Variants in LZTFL1 observed in about 807,000 individuals in gnomAD.
LZTFL1 encodes the protein leucine zipper transcription factor like 1, also known as leucine zipper transcription factor-like protein 1.
LZTFL1 carries 25 observed loss-of-function variants against 45.9 expected under a neutral mutation model. The ratio of observed to expected loss-of-function variants is 0.54; its 90% CI spans 0.40 to 0.76. The LOEUF (loss-of-function observed/expected upper bound fraction) is 0.76. Among genes scored for constraint, LZTFL1 ranks in the 30% least tolerant of loss-of-function variants. The pLI is 0.00. For synonymous variants in LZTFL1, 93 were observed against 117.4 expected (o/e 0.79, Z 1.35); for missense variants, 277 against 331.1 (o/e 0.84, Z 1.27).
chr3:45,824,490 T>C lies in LZTFL1; in HGVS notation c.*1824A>G, dbSNP rs1310571623. ...TATTTGTTTATCTTAATGCTTGGCA[T>C]AGTTGGTTTTAAGGTTTTAGAAATA... On this transcript the variant is annotated 3_prime_UTR_variant, in exon 10 of 10. Coordinates refer to ENST00000296135, the MANE Select transcript of LZTFL1 (RefSeq NM_020347.4). 2 of 216,706 alleles carry C rather than the reference T, an allele frequency of 9.2e-6. No homozygotes were observed. The highest frequency in any genetic ancestry group is 4.5e-5 in the African/African-American group (2 of 44,160). The allele number at this position is 216,706 out of a possible 1,614,324, so 13.4% of individuals were successfully genotyped here.
chr3:45,855,050 A>G, exon 4 of LZTFL1: 1 of 1,534,050 alleles, frequency 6.5e-7, no homozygotes, highest in Non-Finnish European at 8.7e-7. Context: ...GTAGGGTACA[A>G]CTTGATGGAT....
chr3:45,857,993 T>C (rs185833566), intron 3 of LZTFL1, among the ~76,000 whole-genome samples: 26 of 152,252 alleles, frequency 1.7e-4, no homozygotes, highest in Admixed American at 2.0e-4. Context: ...GATAATTTTA[T>C]AAAGGAAATG....
chr3:45,900,049 C>T lies in LZTFL1; in HGVS notation c.-215+13071G>A, dbSNP rs1702498661. On this transcript the variant is annotated intron_variant, in intron 2 of 4. Transcript: ENST00000472635. This position sits in a 1 kb window ranked among gnomAD's most constrained non-coding sequence, Gnocchi z 4.7. Reference sequence around the variant, plus strand: ...TGCAAGTGCATGTATTATGTGTATGCATGTACATATGAGTGTGTGTGCTTG... The same window carrying T: ...TGCAAGTGCATGTATTATGTGTATGTATGTACATATGAGTGTGTGTGCTTG... 6.6e-6 allele frequency among the ~76,000 whole-genome samples: 1 copy of T among 152,154 alleles called. No individual in the cohort carries two copies.
chr3:45,915,422 T>C, exon 1 of LZTFL1: 1 of 440,604 alleles, frequency 2.3e-6, no homozygotes, highest in Non-Finnish European at 4.6e-6. Context: ...CCCACTGACC[T>C]GGAAGACGGA....
At chr3:45,890,266 T>TATATATTTATATAAATATATAA (rs1575293512) in intron 2 of LZTFL1, among the ~76,000 whole-genome samples, 1 of 674 alleles carries the variant, frequency 1.5e-3, no homozygotes, top group East Asian at 0.1. Flanking sequence ...GAAATATATA[T>TATATATTTATATAAATATATAA]ATAACATATA....
At chr3:45,860,505 C>T (rs1041584764) in intron 2 of LZTFL1, among the ~76,000 whole-genome samples, 1 of 151,090 alleles carries the variant, frequency 6.6e-6, no homozygotes, top group South Asian at 2.1e-4. Flanking sequence ...AAAGTAGTAA[C>T]ACCAGCAAAT....
chr3:45,894,837 T>G (rs969033798), intron 2 of LZTFL1: 2 of 1,080,412 alleles, frequency 1.9e-6, no homozygotes, highest in African/African-American at 3.1e-5. Flanking sequence ...AATCTCCATC[T>G]TTTTGGCATT....
chr3:45,841,432 C>T (rs972714005), intron 1 of LZTFL1, among the ~76,000 whole-genome samples: 1 of 152,162 alleles, frequency 6.6e-6, no homozygotes, highest in African/African-American at 2.4e-5. Flanking sequence ...AGCTGTAATA[C>T]GGGGTGCTGG....
chr3:45,895,652 T>C (rs1257361727), intron 2 of LZTFL1, among the ~76,000 whole-genome samples: 1 of 151,640 alleles, frequency 6.6e-6, no homozygotes, highest in Admixed American at 6.6e-5. Context: ...AGGTGGAGGT[T>C]GCAGTGAGCC....
chr3:45,862,201 G>A (rs1701502360), intron 2 of LZTFL1, among the ~76,000 whole-genome samples: 1 of 152,194 alleles, frequency 6.6e-6, no homozygotes, highest in Non-Finnish European at 1.5e-5. Context: ...GTGTGAACTG[G>A]TTTTATGTAT....
chr3:45,868,031 A>G (rs1701606392), intron 2 of LZTFL1, among the ~76,000 whole-genome samples: 1 of 146,896 alleles, frequency 6.8e-6, no homozygotes. Flanking sequence ...ATAATGGAAA[A>G]TCCTCTTGAA....
At chr3:45,889,489 T>C (rs1164802894) in intron 2 of LZTFL1, among the ~76,000 whole-genome samples, 1 of 152,044 alleles carries the variant, frequency 6.6e-6, no homozygotes, top group Non-Finnish European at 1.5e-5. Flanking sequence ...GGCTTCTTCT[T>C]CTTTTTTTTT....
intron 1 of LZTFL1, 78 bp from the exon 2 acceptor site, chr3:45,838,129 T>A (rs1032732497): frequency 8.2e-6 from 12 of 1,455,756 alleles, no homozygotes; most frequent in Admixed American, 2.2e-5. Flanking sequence ...GCATAAGATA[T>A]CCTGTGGTCG....
chr3:45,834,406 G>C (rs1310988843), intron 3 of LZTFL1, 108 bp from the exon 4 acceptor site: 3 of 658,948 alleles, frequency 4.6e-6, no homozygotes, highest in African/African-American at 1.8e-5. Context: ...AGAGAGAACA[G>C]AGCAAGATGG....
At chr3:45,907,866 A>G (rs1330386273) in intron 2 of LZTFL1, among the ~76,000 whole-genome samples, 2 of 152,246 alleles carry the variant, frequency 1.3e-5, no homozygotes, top group Non-Finnish European at 2.9e-5. Context: ...CAACAGGTAC[A>G]GTGCCCAGAA....
At chr3:45,886,130 G>T (rs1325179656) in intron 2 of LZTFL1, among the ~76,000 whole-genome samples, 1 of 152,216 alleles carries the variant, frequency 6.6e-6, no homozygotes, top group Non-Finnish European at 1.5e-5. Flanking sequence ...GCCAGAAAAG[G>T]TATGTTGCGA....
intron 2 of LZTFL1, among the ~76,000 whole-genome samples, chr3:45,893,968 G>T (rs1278408144): frequency 6.6e-6 from 1 of 152,190 alleles, no homozygotes; most frequent in African/African-American, 2.4e-5. Flanking sequence ...GAAGCCAACA[G>T]GTTGGCTTTA....
chr3:45,841,287 G>A (rs1883091), intron 1 of LZTFL1, among the ~76,000 whole-genome samples: 10,498 of 152,254 alleles, frequency 0.069, 438 homozygotes, highest in Non-Finnish European at 0.083. Context: ...GGTTTCATCC[G>A]TTTTCCTGAA....
intron 2 of LZTFL1, among the ~76,000 whole-genome samples, chr3:45,866,065 A>C (rs1252863111): frequency 6.6e-6 from 1 of 152,208 alleles, no homozygotes; most frequent in East Asian, 1.9e-4. Context: ...AATTTATATA[A>C]AATTCTAGAA....
Sources: allele counts gnomAD v4.1 joint callset (sites outside exome capture counted in the v4.1 genomes callset), GRCh38; gene constraint gnomAD v4.1.1; non-coding constraint Gnocchi (gnomAD v3.1); transcripts MANE v1.5; gene names NCBI Gene and HGNC (gene_info 2026-07-23, HGNC 2026-07-21).